ZNF385D: variants seen among roughly 807,000 people sequenced by gnomAD.
ZNF385D encodes the protein zinc finger protein 659.
A neutral mutation model predicts 35.8 loss-of-function variants in ZNF385D; 15 were observed. That is an observed-to-expected ratio of 0.42 (90% CI 0.28 to 0.64). The LOEUF is 0.64. Ranked by LOEUF, ZNF385D falls within the 30% of genes least tolerant of loss-of-function variation. The pLI, the probability that ZNF385D is intolerant of heterozygous loss-of-function variation, is 0.23. For missense variants in ZNF385D, 474 were observed against 494.6 expected (o/e 0.96, Z 0.39); for synonymous variants, 212 against 186.8 (o/e 1.13, Z -1.10).
chr3:22,185,793 T>C (rs1695591016), intron 2 of ZNF385D, among the ~76,000 whole-genome samples: 1 of 152,136 alleles, frequency 6.6e-6, no homozygotes. Flanking sequence ...ATAAAAGATT[T>C]CTGTCCCACC....
At chr3:21,878,976 G>A (rs61693023) in intron 3 of ZNF385D, among the ~76,000 whole-genome samples, 3 of 152,014 alleles carry the variant, frequency 2.0e-5, no homozygotes, top group Non-Finnish European at 4.4e-5. Context: ...TTGGAGAGCA[G>A]GAGGGTAGGA....
intron 2 of ZNF385D, among the ~76,000 whole-genome samples, chr3:22,322,578 A>G (rs1694491988): frequency 1.3e-5 from 2 of 152,172 alleles, no homozygotes; most frequent in East Asian, 1.9e-4. Flanking sequence ...AACCTGCCCA[A>G]TCAGTGATAT....
intron 1 of ZNF385D, among the ~76,000 whole-genome samples, chr3:21,716,793 T>C (rs991739310): frequency 6.6e-6 from 1 of 152,296 alleles, no homozygotes; most frequent in East Asian, 1.9e-4. Flanking sequence ...TTGTTGTTTT[T>C]TGTTTTGTTT....
At chr3:21,459,975 C>A (rs1449644550) in intron 4 of ZNF385D, among the ~76,000 whole-genome samples, 1 of 152,144 alleles carries the variant, frequency 6.6e-6, no homozygotes, top group African/African-American at 2.4e-5. Context: ...CCTAGAGTGC[C>A]ACAACCATCA....
rs538095018 is a variant in ZNF385D, at chr3:22,124,253, A to G, written c.325+44564T>C. 9.7e-4 allele frequency among the ~76,000 whole-genome samples: 148 copies of G among 152,178 alleles called. 1 individual carries two copies. The Middle Eastern group carries it at 0.031, about 31-fold the overall frequency. On this transcript the variant is annotated intron_variant, in intron 3 of 5. Transcript: ENST00000494108. The stretch of plus-strand genomic sequence containing the variant: ...CTTCATCCATGCTGTTGCAAATGAC[A>G]TGATCTCATTCTTTGTAATGGCTGA...
At chr3:22,203,879 C>A (rs142829069) in intron 2 of ZNF385D, among the ~76,000 whole-genome samples, 1 of 152,252 alleles carries the variant, frequency 6.6e-6, no homozygotes, top group African/African-American at 2.4e-5. Context: ...TTCTGGATGG[C>A]ATCTCTGGAC....
chr3:22,336,610 A>T (rs981960335), intron 2 of ZNF385D, among the ~76,000 whole-genome samples: 2 of 152,056 alleles, frequency 1.3e-5, no homozygotes, highest in Non-Finnish European at 2.9e-5. Flanking sequence ...ATCATCAAGT[A>T]TTTCACTACA....
intron 3 of ZNF385D, among the ~76,000 whole-genome samples, chr3:22,115,272 A>G (rs1465365008): frequency 1.3e-5 from 2 of 152,132 alleles, no homozygotes; most frequent in Non-Finnish European, 1.5e-5. Flanking sequence ...TTACATAGAG[A>G]AAATTGAAAC....
intron 1 of ZNF385D, among the ~76,000 whole-genome samples, chr3:21,743,701 C>T (rs890076599): frequency 6.6e-6 from 1 of 152,214 alleles, no homozygotes; most frequent in Non-Finnish European, 1.5e-5. Flanking sequence ...TTACCTCCCA[C>T]AGGCCCCACC....
intron 2 of ZNF385D, among the ~76,000 whole-genome samples, chr3:21,661,558 G>A (rs2066238091): frequency 6.6e-6 from 1 of 152,156 alleles, no homozygotes; most frequent in African/African-American, 2.4e-5. Flanking sequence ...AAATTCAGAA[G>A]AGGATCACTG....
intron 4 of ZNF385D, among the ~76,000 whole-genome samples, chr3:21,478,046 T>G (rs536340789): frequency 7.5e-4 from 114 of 152,262 alleles, no homozygotes; most frequent in African/African-American, 2.7e-3. Flanking sequence ...TCATCCCTAA[T>G]GAGAATTTTG....
rs1172299033 is a variant in ZNF385D at position 21,961,140 on chromosome 3, C to T, written c.325+207677G>A. Among the ~76,000 whole-genome samples, 3 of 151,894 alleles carry T rather than the reference C, an allele frequency of 2.0e-5. No individual in the cohort carries two copies. The East Asian group carries it at 5.8e-4, about 29-fold the overall frequency. On this transcript the variant is annotated intron_variant, in intron 3 of 5. Transcript: ENST00000494108. ...TAATTATCCTGATTTGAGTATTATA[C>T]ACTGTATACATGTATAAAAATATCA...
chr3:22,031,763 A>C (rs982930124), intron 3 of ZNF385D, among the ~76,000 whole-genome samples: 6 of 152,220 alleles, frequency 3.9e-5, no homozygotes, highest in African/African-American at 1.4e-4. Flanking sequence ...TTCAACCCAG[A>C]AAATGGGTTT....
At chr3:21,746,991 A>T (rs549160989) in intron 1 of ZNF385D, among the ~76,000 whole-genome samples, 2 of 150,844 alleles carry the variant, frequency 1.3e-5, no homozygotes, top group South Asian at 2.1e-4. Flanking sequence ...TGCGTCTATT[A>T]TAGGCAGGGG....
At chr3:22,158,104 C>G (rs998218997) in intron 3 of ZNF385D, among the ~76,000 whole-genome samples, 1 of 152,164 alleles carries the variant, frequency 6.6e-6, no homozygotes, top group South Asian at 2.1e-4. Flanking sequence ...TCCCTCTATC[C>G]TCTCCTATCC....
intron 3 of ZNF385D, among the ~76,000 whole-genome samples, chr3:21,820,776 A>T (rs2073362540): frequency 6.6e-6 from 1 of 151,816 alleles, no homozygotes; most frequent in Non-Finnish European, 1.5e-5. Flanking sequence ...AAAGAAAAAC[A>T]CAGAAAACCC....
chr3:21,749,009 A>C (rs73822047), intron 1 of ZNF385D, among the ~76,000 whole-genome samples: 1,906 of 152,288 alleles, frequency 0.013, 37 homozygotes, highest in African/African-American at 0.043. Flanking sequence ...AACCCGAAAG[A>C]AACAGCATTC....
intron 3 of ZNF385D, among the ~76,000 whole-genome samples, chr3:22,059,860 G>A (rs1384064352): frequency 1.3e-5 from 2 of 152,158 alleles, no homozygotes; most frequent in South Asian, 2.1e-4. Flanking sequence ...GTTTCTGGAA[G>A]ATTAGCATTT....
At chr3:21,845,533 G>A (rs1006746250) in intron 3 of ZNF385D, among the ~76,000 whole-genome samples, 2 of 151,842 alleles carry the variant, frequency 1.3e-5, no homozygotes, top group Admixed American at 6.6e-5. Context: ...ATTTTAGAAA[G>A]ATAAACTGAA....
Sources: allele counts gnomAD v4.1 joint callset (sites outside exome capture counted in the v4.1 genomes callset), GRCh38; gene constraint gnomAD v4.1.1; transcripts MANE v1.5; gene names NCBI Gene and HGNC (gene_info 2026-07-23, HGNC 2026-07-21).